The following GABRB3 variants were observed in gnomAD, a reference collection of about 807,000 sequenced individuals.
GABRB3 encodes gamma-aminobutyric acid type A receptor subunit beta3.
Under a neutral mutation model 52.1 loss-of-function variants are expected in GABRB3, and 14 were observed. The ratio of observed to expected loss-of-function variants is 0.27; its 90% CI spans 0.18 to 0.42. The LOEUF is 0.42. Among genes scored for constraint, GABRB3 ranks in the 10% least tolerant of loss-of-function variants. The pLI is 1.00. For synonymous variants in GABRB3, 260 were observed against 232.3 expected (o/e 1.12, Z -1.08); for missense variants, 307 against 609.1 (o/e 0.50, Z 5.22).
intron 3 of GABRB3, among the ~76,000 whole-genome samples, chr15:26,765,679 C>G (rs1008067392): frequency 6.6e-6 from 1 of 152,110 alleles, no homozygotes; most frequent in Non-Finnish European, 1.5e-5. Flanking sequence ...CCCTGCCTCA[C>G]GGAGTGTATG....
At chr15:26,734,508 G>A (rs547575707) in intron 3 of GABRB3, among the ~76,000 whole-genome samples, 2 of 152,210 alleles carry the variant, frequency 1.3e-5, no homozygotes, top group East Asian at 3.9e-4. Flanking sequence ...GGCTGGGTGA[G>A]GTGGCTCATG....
At chr15:26,553,898 A>G (rs1160861711) in intron 8 of GABRB3, among the ~76,000 whole-genome samples, 7 of 150,016 alleles carry the variant, frequency 4.7e-5, no homozygotes, top group African/African-American at 7.4e-5. Context: ...TTTTAGAGAC[A>G]GGGTCTTGCT....
At chr15:26,570,731 G>T (rs1890363422) in intron 6 of GABRB3, among the ~76,000 whole-genome samples, 1 of 151,996 alleles carries the variant, frequency 6.6e-6, no homozygotes. Flanking sequence ...ATACCTCAAG[G>T]TCTTGGTCAA....
At chr15:26,657,866 T>A (rs2140603854) in intron 3 of GABRB3, among the ~76,000 whole-genome samples, 1 of 152,282 alleles carries the variant, frequency 6.6e-6, no homozygotes, top group South Asian at 2.1e-4. Flanking sequence ...AGCTTATAGT[T>A]CAACTTTAAA....
chr15:26,606,808 A>ATC (rs750566618), intron 4 of GABRB3, among the ~76,000 whole-genome samples: 27 of 84,752 alleles, frequency 3.2e-4, no homozygotes, highest in Non-Finnish European at 5.8e-4. Flanking sequence ...ATATATCTAT[A>ATC]GATAGATAGA....
At chr15:26,694,551 G>C (rs1888678200) in intron 3 of GABRB3, among the ~76,000 whole-genome samples, 1 of 152,074 alleles carries the variant, frequency 6.6e-6, no homozygotes, top group African/African-American at 2.4e-5. Flanking sequence ...CTACAGCAAA[G>C]AGTAAATACA....
chr15:26,712,144 G>C (rs1889318166), intron 3 of GABRB3, among the ~76,000 whole-genome samples: 3 of 151,298 alleles, frequency 2.0e-5, no homozygotes. Context: ...ATGTGAAGGA[G>C]AAGGAGAATG....
chr15:26,627,426 T>C (rs1284199129), intron 3 of GABRB3, among the ~76,000 whole-genome samples: 1 of 148,260 alleles, frequency 6.7e-6, no homozygotes, highest in Non-Finnish European at 1.5e-5. Context: ...ACAGTGATTA[T>C]TTTTACGGAT....
At chr15:26,710,001 T>C (rs1036798110) in intron 3 of GABRB3, among the ~76,000 whole-genome samples, 4 of 152,212 alleles carry the variant, frequency 2.6e-5, no homozygotes, top group Non-Finnish European at 5.9e-5. Flanking sequence ...TCTCTAAATA[T>C]AGTTTTGCCT....
intron 6 of GABRB3, 44 bp downstream of exon 6, chr15:26,580,275 G>A: frequency 6.2e-7 from 1 of 1,613,024 alleles, no homozygotes; most frequent in East Asian, 2.2e-5. Context: ...CACGCCCATG[G>A]AGCCAGTGCC....
intron 3 of GABRB3, among the ~76,000 whole-genome samples, chr15:26,697,149 A>C (rs1019472698): frequency 3.9e-5 from 6 of 152,196 alleles, no homozygotes; most frequent in African/African-American, 1.2e-4. Flanking sequence ...AGAGTGCTAA[A>C]TGCATGGAAA....
At chr15:26,759,647 C>T (rs929358613) in intron 3 of GABRB3, among the ~76,000 whole-genome samples, 3 of 152,300 alleles carry the variant, frequency 2.0e-5, no homozygotes, top group East Asian at 1.9e-4. Flanking sequence ...CCACACTGGC[C>T]GAGTGCAGCA....
intron 3 of GABRB3, among the ~76,000 whole-genome samples, chr15:26,661,917 C>CACG (rs1887564575): frequency 6.6e-6 from 1 of 151,878 alleles, no homozygotes; most frequent in Admixed American, 6.5e-5. Context: ...ACGTGTAGCT[C>CACG]TGATTGCCAC....
rs1299008034 is a variant in GABRB3 at position 26,608,011 on chromosome 15, T to A, written c.461+13303A>T. Among the ~76,000 whole-genome samples the A allele has an allele frequency of 3.3e-5, 5 of 150,668 alleles. No homozygotes were observed. The East Asian group carries it at 9.8e-4, about 29-fold the overall frequency. On this transcript the variant is annotated intron_variant, in intron 4 of 8. Transcript: ENST00000311550. ...AAAAAACCCAAAATAGCTAAAGCAATCATAGCAAAAGGAGCAAAGCTGGAG... is the reference window on the plus strand; with the variant it reads ...AAAAAACCCAAAATAGCTAAAGCAAACATAGCAAAAGGAGCAAAGCTGGAG...
At chr15:26,676,469 C>T (rs1371214142) in intron 3 of GABRB3, among the ~76,000 whole-genome samples, 3 of 152,144 alleles carry the variant, frequency 2.0e-5, no homozygotes, top group Non-Finnish European at 2.9e-5. Context: ...ATCACAGAGA[C>T]TCAAGGCACT....
chr15:26,662,445 C>T (rs139762673), intron 3 of GABRB3, among the ~76,000 whole-genome samples: 74 of 152,282 alleles, frequency 4.9e-4, no homozygotes, highest in African/African-American at 1.6e-3. Flanking sequence ...GCCCAGTTCA[C>T]AGCCAGGGGC....
intron 3 of GABRB3, among the ~76,000 whole-genome samples, chr15:26,721,315 T>C (rs1889638056): frequency 6.6e-6 from 1 of 152,110 alleles, no homozygotes; most frequent in African/African-American, 2.4e-5. Context: ...GAAACTTGCA[T>C]CTAAGAAGGA....
In GABRB3 at chr15:26,547,106, G is replaced by A. The variant is rs988262366; in HGVS notation, c.*687C>T. On this transcript the variant is annotated 3_prime_UTR_variant, in exon 9 of 9. Coordinates refer to ENST00000311550, the MANE Select transcript of GABRB3 (RefSeq NM_000814.6). Reference sequence around the variant, plus strand: ...ACTCCCGATGAGTTTTCAAAAGACGGTCGTTCAGACATCAACGTGGGATCT... The same window carrying A: ...ACTCCCGATGAGTTTTCAAAAGACGATCGTTCAGACATCAACGTGGGATCT... 3 of 159,130 alleles carry A rather than the reference G, an allele frequency of 1.9e-5. No individual in the cohort carries two copies. The highest frequency in any genetic ancestry group is 2.7e-5 in the Non-Finnish European group (2 of 72,998). 9.9% of individuals were successfully genotyped at this position (159,130 alleles called of 1,614,324 possible). A position where few individuals can be genotyped will look rare whatever the true frequency, so the allele number is the denominator to read the frequency against.
intron 4 of GABRB3, among the ~76,000 whole-genome samples, chr15:26,600,519 C>T (rs533563733): frequency 3.2e-4 from 48 of 152,108 alleles, no homozygotes; most frequent in African/African-American, 9.6e-4. Context: ...GGTGCCAATA[C>T]GACTATCAGC....
Sources: allele counts gnomAD v4.1 joint callset (sites outside exome capture counted in the v4.1 genomes callset), GRCh38; gene constraint gnomAD v4.1.1; transcripts MANE v1.5; gene names NCBI Gene and HGNC (gene_info 2026-07-23, HGNC 2026-07-21).